The following CEMIP variants were observed in gnomAD, a reference collection of about 807,000 sequenced individuals.
The protein encoded by CEMIP is cell migration inducing hyaluronidase 1.
A neutral mutation model predicts 156.9 loss-of-function variants in CEMIP; 105 were observed. That is an observed-to-expected ratio of 0.67 (90% confidence interval 0.57 to 0.79). The LOEUF is 0.79. Among genes scored for constraint, CEMIP ranks in the 30% least tolerant of loss-of-function variants. The probability of loss-of-function intolerance (pLI) is 0.00; values close to 1 mark genes in which losing one functional copy is unlikely to be tolerated. For missense variants in CEMIP, 1,457 were observed against 1,769.4 expected, an observed-to-expected ratio of 0.82 and a Z score of 3.17; for synonymous variants, 676 against 668.4, an observed-to-expected ratio of 1.01 and a Z score of -0.17.
intron 1 of CEMIP, among the ~76,000 whole-genome samples, chr15:80,868,571 T>A (rs952219322): frequency 6.6e-6 from 1 of 152,180 alleles, no homozygotes; most frequent in Non-Finnish European, 1.5e-5. Flanking sequence ...TCTCTCATAT[T>A]CCTATCAGCG....
chr15:80,925,882 C>G (rs904875075), intron 19 of CEMIP, 127 bp downstream of exon 19: 5 of 1,365,492 alleles, frequency 3.7e-6, no homozygotes, highest in Non-Finnish European at 4.9e-6. Context: ...GCCTTCTGGT[C>G]CCCCAGCCAG....
chr15:80,874,669 A>AT (rs1374318104), intron 3 of CEMIP, among the ~76,000 whole-genome samples: 1 of 152,256 alleles, frequency 6.6e-6, no homozygotes, highest in African/African-American at 2.4e-5. Context: ...TCTTCAAGTG[A>AT]TTTTCAATTA....
chr15:80,869,045 G>T (rs938697826), intron 1 of CEMIP, among the ~76,000 whole-genome samples: 9 of 152,158 alleles, frequency 5.9e-5, no homozygotes, highest in Admixed American at 5.9e-4. Context: ...GGTGTCAGGA[G>T]GGTTGGCTTC....
intron 12 of CEMIP, among the ~76,000 whole-genome samples, chr15:80,902,518 C>T (rs1054838072): frequency 1.3e-5 from 2 of 152,114 alleles, no homozygotes; most frequent in Non-Finnish European, 2.9e-5. Context: ...CCAGTGAAGG[C>T]GGCAGCAGGA....
At chr15:80,925,460 T>G (rs1325548555) in intron 18 of CEMIP, among the ~76,000 whole-genome samples, 164 bp from the exon 19 acceptor site, 1 of 152,196 alleles carries the variant, frequency 6.6e-6, no homozygotes, top group East Asian at 1.9e-4. Flanking sequence ...TGTGATGAAC[T>G]CAGAAAGTTC....
chr15:80,799,710 A>G (rs1272796950), intron 1 of CEMIP, among the ~76,000 whole-genome samples: 2 of 152,246 alleles, frequency 1.3e-5, no homozygotes. Flanking sequence ...GAAAATGTAT[A>G]TATATGCAAT....
chr15:80,871,680 C>A (rs1898297565), intron 1 of CEMIP, among the ~76,000 whole-genome samples: 2 of 152,156 alleles, frequency 1.3e-5, no homozygotes, highest in Non-Finnish European at 1.5e-5. Flanking sequence ...TGATTTGGGG[C>A]CCTTTGGCAG....
At chr15:80,848,437 G>A (rs1290988135) in intron 1 of CEMIP, among the ~76,000 whole-genome samples, 1 of 152,198 alleles carries the variant, frequency 6.6e-6, no homozygotes, top group Non-Finnish European at 1.5e-5. Flanking sequence ...TTATAGACCT[G>A]TGGCTCAGGA....
At chr15:80,787,069 T>A (rs1895959042) in intron 1 of CEMIP, among the ~76,000 whole-genome samples, 1 of 152,116 alleles carries the variant, frequency 6.6e-6, no homozygotes, top group Admixed American at 6.5e-5. Flanking sequence ...GGGTGGTGGC[T>A]CCAATTTTTA....
rs192379012 is a variant in CEMIP at position 80,818,686 on chromosome 15, T to G, written c.-176+39072T>G. On this transcript the variant is annotated intron_variant, in intron 1 of 29. Transcript: ENST00000394685. ...CACTTACTAGCTACTGCAGACAGAC[T>G]GGAGAAGTCTCACCTCGTGCCAACT... 3.7e-4 allele frequency among the ~76,000 whole-genome samples: 56 copies of G among 152,298 alleles called. 1 individual carries two copies. The highest frequency in any genetic ancestry group is 1.3e-3 in the African/African-American group (53 of 41,558).
At chr15:80,899,845 A>C (rs1406022935) in intron 12 of CEMIP, among the ~76,000 whole-genome samples, 1 of 152,210 alleles carries the variant, frequency 6.6e-6, no homozygotes, top group African/African-American at 2.4e-5. Context: ...ACTATGTGTC[A>C]CCCAGGGACA....
At chr15:80,801,240 C>T (rs1474252746) in intron 1 of CEMIP, among the ~76,000 whole-genome samples, 1 of 152,254 alleles carries the variant, frequency 6.6e-6, no homozygotes, top group African/African-American at 2.4e-5. Flanking sequence ...TCCTGTGGGT[C>T]AACCAGCTGG....
intron 1 of CEMIP, among the ~76,000 whole-genome samples, chr15:80,858,804 G>A (rs1387365793): frequency 6.6e-6 from 1 of 152,178 alleles, no homozygotes; most frequent in Non-Finnish European, 1.5e-5. Context: ...TGTTTCCATA[G>A]TGAATGTCAA....
intron 1 of CEMIP, among the ~76,000 whole-genome samples, chr15:80,859,120 A>G (rs931853171): frequency 1.3e-5 from 2 of 152,204 alleles, no homozygotes; most frequent in African/African-American, 4.8e-5. Flanking sequence ...TCCCTGCACC[A>G]ATCACAGCAG....
chr15:80,881,693 C>T (rs939112709), intron 6 of CEMIP, among the ~76,000 whole-genome samples: 18 of 152,134 alleles, frequency 1.2e-4, no homozygotes, highest in African/African-American at 3.6e-4. Flanking sequence ...GCGGTAAGGA[C>T]GTGGGTTTTC....
intron 11 of CEMIP, 92 bp from the exon 12 acceptor site, chr15:80,895,777 G>T: frequency 8.5e-7 from 1 of 1,169,916 alleles, no homozygotes; most frequent in Non-Finnish European, 1.3e-6. Context: ...CTGGCATTTA[G>T]TTATTTAGGG....
intron 1 of CEMIP, among the ~76,000 whole-genome samples, chr15:80,795,932 A>G (rs1896212431): frequency 6.6e-6 from 1 of 152,204 alleles, no homozygotes; most frequent in Admixed American, 6.5e-5. Context: ...AGAATTTTAA[A>G]TGATATGGAG....
In CEMIP at chr15:80,873,952, T is replaced by C; in HGVS notation, c.73T>C (p.Phe25Leu). ...CATCAGCTGGCTCACTCTGACCTGC[T>C]TCCCTGGGGCCACATCCACAGGTGA... is the stretch of plus-strand genomic sequence containing the variant. The part of the protein sequence containing the change: ...LTISWLTLTC[F>L]PGATSTVAAG... Residue 25 changes from phenylalanine to leucine, a missense_variant, in exon 3 of 30, where the codon TTC (phenylalanine) becomes CTC (leucine). By Grantham distance (22) the Phe-to-Leu change is conservative (BLOSUM62 0). Around this residue, in one of 5 missense-constraint regions of CEMIP, gnomAD observed 309 missense variants for 340.8 expected, o/e 0.91. Coordinates refer to ENST00000394685, the MANE Select transcript of CEMIP (RefSeq NM_001293298.2). 1.9e-6 allele frequency: 3 copies of C among 1,572,692 alleles called. No homozygotes were observed. The highest frequency in any genetic ancestry group is 2.6e-6 in the Non-Finnish European group (3 of 1,157,082).
At chr15:80,780,771 C>A (rs1051422778) in intron 1 of CEMIP, among the ~76,000 whole-genome samples, 1 of 152,192 alleles carries the variant, frequency 6.6e-6, no homozygotes, top group Non-Finnish European at 1.5e-5. Flanking sequence ...CGTGCCCAGG[C>A]GCGACGCCAC....
Sources: allele counts gnomAD v4.1 joint callset (sites outside exome capture counted in the v4.1 genomes callset), GRCh38; gene constraint gnomAD v4.1.1; regional missense constraint gnomAD v4.1.1; transcripts MANE v1.5; gene names NCBI Gene and HGNC (gene_info 2026-07-23, HGNC 2026-07-21).